The following MLIP variants were observed in gnomAD, a reference collection of about 807,000 sequenced individuals.
MLIP encodes the protein muscular LMNA-interacting protein.
A neutral mutation model predicts 84.8 loss-of-function variants in MLIP; 79 were observed. That is an observed-to-expected ratio of 0.93 (90% confidence interval 0.78 to 1.12). MLIP has a LOEUF of 1.12. Ranked by LOEUF, MLIP falls within the 50% of genes most tolerant of loss-of-function variation. MLIP has a pLI of 0.00. For synonymous variants in MLIP, 504 were observed against 463.0 expected, an observed-to-expected ratio of 1.09 and a Z score of -1.14; for missense variants, 1,257 against 1,160.6, an observed-to-expected ratio of 1.08 and a Z score of -1.21.
chr6:54,232,569 C>G (rs1027945273), intron 12 of MLIP, among the ~76,000 whole-genome samples: 11 of 152,128 alleles, frequency 7.2e-5, no homozygotes, highest in Non-Finnish European at 1.2e-4. Context: ...GGAATGTTCA[C>G]TTGCTTAGTC....
chr6:54,042,235 T>A (rs1220293313), intron 1 of MLIP, among the ~76,000 whole-genome samples: 2 of 152,104 alleles, frequency 1.3e-5, no homozygotes, highest in African/African-American at 2.4e-5. Context: ...CTAGATGTAA[T>A]AAATGTTGTC....
intron 1 of MLIP, among the ~76,000 whole-genome samples, chr6:54,050,448 G>C (rs141548822): frequency 3.1e-4 from 47 of 152,058 alleles, no homozygotes; most frequent in African/African-American, 1.0e-3. Context: ...TCTTTTTTGG[G>C]TCACAGCACA....
At chr6:54,039,172 T>C (rs1764607180) in intron 1 of MLIP, among the ~76,000 whole-genome samples, 1 of 152,014 alleles carries the variant, frequency 6.6e-6, no homozygotes, top group African/African-American at 2.4e-5. Flanking sequence ...TTTCTAGTAA[T>C]TTTATGTCAT....
intron 11 of MLIP, chr6:54,203,849 G>C (rs1359395052): frequency 1.3e-5 from 2 of 152,364 alleles, no homozygotes; most frequent in African/African-American, 4.8e-5. Flanking sequence ...GCCTCCCAAA[G>C]TGCTGGGATT....
intron 1 of MLIP, among the ~76,000 whole-genome samples, chr6:54,082,760 T>A (rs1446089760): frequency 0.016 from 2 of 122 alleles, no homozygotes; most frequent in Non-Finnish European, 0.033. Flanking sequence ...TATCTTTCAT[T>A]TTTTTTTTGG....
chr6:54,240,954 G>A (rs894254936), intron 12 of MLIP, among the ~76,000 whole-genome samples: 3 of 151,952 alleles, frequency 2.0e-5, no homozygotes. Flanking sequence ...CCAGCCTGGC[G>A]ACAGAGTGAG....
intron 12 of MLIP, among the ~76,000 whole-genome samples, chr6:54,248,017 G>A (rs1236118877): frequency 1.3e-5 from 2 of 152,076 alleles, no homozygotes; most frequent in Non-Finnish European, 2.9e-5. Flanking sequence ...GTAACTGGTG[G>A]CAAATTAGGA....
intron 1 of MLIP, among the ~76,000 whole-genome samples, chr6:54,028,416 G>A (rs980120407): frequency 1.4e-4 from 21 of 152,142 alleles, no homozygotes; most frequent in Admixed American, 2.6e-4. Flanking sequence ...GAGCTCATAG[G>A]ATTGCTTTCC....
At chr6:54,248,801 G>A (rs1283880976) in intron 12 of MLIP, among the ~76,000 whole-genome samples, 2 of 152,060 alleles carry the variant, frequency 1.3e-5, no homozygotes, top group Non-Finnish European at 2.9e-5. Flanking sequence ...TCTTAGAATT[G>A]AGACTCCAAT....
intron 12 of MLIP, among the ~76,000 whole-genome samples, chr6:54,239,392 TAC>T (rs566597456): frequency 4.1e-5 from 6 of 147,672 alleles, no homozygotes; most frequent in East Asian, 1.9e-4. Flanking sequence ...AATATATATA[TAC>T]ACACACACAT....
intron 4 of MLIP, among the ~76,000 whole-genome samples, chr6:54,147,399 C>G (rs1453142188): frequency 6.6e-6 from 1 of 152,050 alleles, no homozygotes; most frequent in Non-Finnish European, 1.5e-5. Flanking sequence ...AATTTCCGTC[C>G]TTTTTCAAAT....
At chr6:54,249,897 G>T (rs945165438) in intron 12 of MLIP, among the ~76,000 whole-genome samples, 1 of 151,958 alleles carries the variant, frequency 6.6e-6, no homozygotes, top group Non-Finnish European at 1.5e-5. Context: ...TCCTTAGCCA[G>T]GTATTAAGCC....
At chr6:54,249,984 C>T (rs898010313) in intron 12 of MLIP, among the ~76,000 whole-genome samples, 3 of 151,928 alleles carry the variant, frequency 2.0e-5, no homozygotes, top group African/African-American at 7.2e-5. Context: ...AGTGTCTGTT[C>T]CCTTTTATGT....
At chr6:54,256,979 C>T (rs146342262) in intron 12 of MLIP, among the ~76,000 whole-genome samples, 1 of 152,168 alleles carries the variant, frequency 6.6e-6, no homozygotes, top group Non-Finnish European at 1.5e-5. Flanking sequence ...TGTTTCCTCT[C>T]TATGAAATCT....
intron 11 of MLIP, chr6:54,218,208 C>T (rs933967054): frequency 6.2e-6 from 1 of 160,100 alleles, no homozygotes; most frequent in African/African-American, 2.4e-5. Context: ...ACAGTGTAGC[C>T]CATTACACCT....
chr6:54,129,946 G>A (rs1209368086), intron 3 of MLIP, among the ~76,000 whole-genome samples: 3 of 152,080 alleles, frequency 2.0e-5, no homozygotes, highest in Non-Finnish European at 4.4e-5. Context: ...TTTAGGCAAT[G>A]GACAAATCCC....
At position 54,245,164 on chromosome 6, in the gene MLIP, G is replaced by A. The variant is rs187896418; in HGVS notation, c.2923-12144G>A. Among the ~76,000 whole-genome samples, 46 of 152,176 alleles carry A rather than the reference G, an allele frequency of 3.0e-4. No individual in the cohort carries two copies. In the East Asian group the frequency reaches 6.6e-3, roughly 22 times the overall value. On this transcript the variant is annotated intron_variant, in intron 12 of 13. Coordinates refer to ENST00000502396, the MANE Select transcript of MLIP (RefSeq NM_001281747.2). Reference sequence around the variant, plus strand: ...ATCAGCCACCTGTCCCTTCTCCTTCGTGTGATATGTTAAATCAGGTTCCTT... The same window carrying A: ...ATCAGCCACCTGTCCCTTCTCCTTCATGTGATATGTTAAATCAGGTTCCTT...
In MLIP at chr6:54,137,344, T is replaced by A. The variant is rs759130395; in HGVS notation, c.1275T>A (p.Pro425=). The A allele has an allele frequency of 6.5e-7, 1 of 1,535,988 alleles. No individual in the cohort carries two copies. Among genetic ancestry groups the A allele is most frequent in the Non-Finnish European group, 8.7e-7 (1 of 1,146,878 alleles). Residue 425 remains proline (P), a synonymous_variant, in exon 4 of 14, where the codon CCT becomes CCA. Transcript: ENST00000502396. ...ALLTAILKSN[P]SHQRPFSPAS... is the part of the protein sequence containing the mutation. ...TCACTGCCATTCTCAAGTCAAACCCTTCCCACCAAAGACCCTTTTCCCCTG... is the reference window on the plus strand; with the variant it reads ...TCACTGCCATTCTCAAGTCAAACCCATCCCACCAAAGACCCTTTTCCCCTG...
rs770770284 is a variant in MLIP, at chr6:54,149,057, A to C, written c.2219A>C (p.Gln740Pro). 4 of 1,612,330 alleles carry C rather than the reference A, an allele frequency of 2.5e-6. No homozygotes were observed. The Admixed American group carries it at 6.7e-5, about 27-fold the overall frequency. Residue 740 changes from glutamine to proline, a missense_variant and splice_region_variant, in exon 5 of 14, where the codon CAA becomes CCA. Coordinates refer to ENST00000502396, the MANE Select transcript of MLIP (RefSeq NM_001281747.2). ...TTGCTTTCTGGTTGCCCATTCTAGCAATACAAGACCAAGTCAAGCTACAAG... is the reference window on the plus strand; with the variant it reads ...TTGCTTTCTGGTTGCCCATTCTAGCCATACAAGACCAAGTCAAGCTACAAG... ...STGPENKKSK[Q>P]YKTKSSYKAF...
Sources: gnomAD v4.1 joint callset for allele counts (sites outside exome capture counted in the v4.1 genomes callset) on GRCh38, gnomAD v4.1.1 for gene constraint, MANE v1.5 for transcripts, NCBI Gene and HGNC (gene_info 2026-07-23, HGNC 2026-07-21) for gene names.